Variants in FAM210A observed in about 807,000 individuals in gnomAD.
The protein encoded by FAM210A is mitochondrial inner membrane scaffold 1.
In FAM210A, 13 loss-of-function variants were observed where a neutral mutation model predicts 25.3. The ratio of observed to expected loss-of-function variants is 0.51; its 90% CI spans 0.33 to 0.82. FAM210A has a LOEUF of 0.82. FAM210A is among the 40% of genes least tolerant of loss of function. The pLI, the probability that FAM210A is intolerant of heterozygous loss-of-function variation, is 0.02. For synonymous variants in FAM210A, 125 were observed against 118.7 expected (o/e 1.05, Z -0.35); for missense variants, 319 against 323.2 (o/e 0.99, Z 0.10).
At chr18:13,711,763 G>T (rs990371030) in intron 1 of FAM210A, among the ~76,000 whole-genome samples, 12 of 152,082 alleles carry the variant, frequency 7.9e-5, no homozygotes, top group African/African-American at 2.4e-4. Context: ...TTCCTGTCCA[G>T]ATTTTTTTCT....
chr18:13,686,266 G>A (rs1000073485), intron 1 of FAM210A, among the ~76,000 whole-genome samples: 9 of 152,118 alleles, frequency 5.9e-5, no homozygotes, highest in African/African-American at 1.9e-4. Flanking sequence ...AAATGAGACC[G>A]AAATCACGCC....
At chr18:13,724,916 G>A (rs1005234904) in intron 1 of FAM210A, among the ~76,000 whole-genome samples, 29 of 152,104 alleles carry the variant, frequency 1.9e-4, no homozygotes, top group Non-Finnish European at 3.5e-4. Flanking sequence ...TGGGATTACA[G>A]GCACGCGCCA....
intron 1 of FAM210A, among the ~76,000 whole-genome samples, chr18:13,690,171 G>A (rs1166274566): frequency 6.6e-6 from 1 of 152,226 alleles, no homozygotes; most frequent in East Asian, 1.9e-4. Context: ...ACAGCAGTCT[G>A]AGATCAAACT....
At chr18:13,669,307 C>G (rs2043424379) in intron 3 of FAM210A, among the ~76,000 whole-genome samples, 1 of 152,144 alleles carries the variant, frequency 6.6e-6, no homozygotes. Flanking sequence ...TTAAAATTGT[C>G]CAGTGGCTTT....
At chr18:13,678,441 C>T (rs2043523138) in intron 2 of FAM210A, among the ~76,000 whole-genome samples, 1 of 151,858 alleles carries the variant, frequency 6.6e-6, no homozygotes. Flanking sequence ...TGTAATGCAC[C>T]ACCATGCCTG....
At chr18:13,703,658 C>G (rs952414950) in intron 1 of FAM210A, among the ~76,000 whole-genome samples, 2 of 152,136 alleles carry the variant, frequency 1.3e-5, no homozygotes, top group African/African-American at 2.4e-5. Context: ...AATCTTACAA[C>G]TACTTAATTT....
chr18:13,703,148 A>G (rs1456482621), intron 1 of FAM210A, among the ~76,000 whole-genome samples: 1 of 152,192 alleles, frequency 6.6e-6, no homozygotes, highest in Non-Finnish European at 1.5e-5. Flanking sequence ...ACTGTTTTGC[A>G]TTGCAATATC....
intron 1 of FAM210A, among the ~76,000 whole-genome samples, chr18:13,707,368 A>G (rs964054508): frequency 6.6e-6 from 1 of 152,184 alleles, no homozygotes; most frequent in African/African-American, 2.4e-5. Flanking sequence ...AATCAAACTA[A>G]AACTTTAAGG....
At chr18:13,714,835 C>T (rs144945415) in intron 1 of FAM210A, among the ~76,000 whole-genome samples, 87 of 152,228 alleles carry the variant, frequency 5.7e-4, no homozygotes, top group Admixed American at 1.6e-3. Flanking sequence ...GGGGATTTAA[C>T]ACCCCATAAT....
intron 1 of FAM210A, among the ~76,000 whole-genome samples, chr18:13,711,505 T>C (rs2043821356): frequency 6.6e-6 from 1 of 152,228 alleles, no homozygotes; most frequent in Admixed American, 6.5e-5. Flanking sequence ...GGAGCTTCTA[T>C]TGATACCTTT....
At chr18:13,711,554 C>T (rs141393328) in intron 1 of FAM210A, among the ~76,000 whole-genome samples, 2 of 152,298 alleles carry the variant, frequency 1.3e-5, no homozygotes, top group Admixed American at 6.5e-5. Context: ...ACCCTCACTA[C>T]TTGCATCCTA....
At chr18:13,717,978 G>A (rs1385821377) in intron 1 of FAM210A, among the ~76,000 whole-genome samples, 2 of 152,170 alleles carry the variant, frequency 1.3e-5, no homozygotes, top group Non-Finnish European at 2.9e-5. Context: ...TCAACAGGAA[G>A]AAGACAGCGC....
At chr18:13,699,743 G>A (rs189237533) in intron 1 of FAM210A, among the ~76,000 whole-genome samples, 45 of 152,092 alleles carry the variant, frequency 3.0e-4, no homozygotes, top group East Asian at 2.3e-3. Flanking sequence ...TCCTTTTATC[G>A]CGTGGTATTT....
At chr18:13,695,073 A>C (rs1428490134) in intron 1 of FAM210A, among the ~76,000 whole-genome samples, 3 of 152,314 alleles carry the variant, frequency 2.0e-5, no homozygotes, top group East Asian at 3.9e-4. Context: ...AGACACTTCT[A>C]AAAAGAAGAC....
chr18:13,723,820 CAAT>C (rs1263752312), intron 1 of FAM210A, among the ~76,000 whole-genome samples: 1 of 152,138 alleles, frequency 6.6e-6, no homozygotes, highest in Non-Finnish European at 1.5e-5. Context: ...ACCTTTTAAA[CAAT>C]AATATTTTAT....
At chr18:13,704,203 A>G (rs2043761227) in intron 1 of FAM210A, among the ~76,000 whole-genome samples, 1 of 152,226 alleles carries the variant, frequency 6.6e-6, no homozygotes. Flanking sequence ...TGTTTTTGAT[A>G]AAAGATTATA....
At chr18:13,672,944 G>C (rs2043455527) in intron 2 of FAM210A, among the ~76,000 whole-genome samples, 1 of 152,204 alleles carries the variant, frequency 6.6e-6, no homozygotes. Flanking sequence ...TCTCCAACTT[G>C]AGCCGCAACT....
At chr18:13,721,636 G>T (rs2043898257) in intron 1 of FAM210A, among the ~76,000 whole-genome samples, 1 of 152,114 alleles carries the variant, frequency 6.6e-6, no homozygotes, top group African/African-American at 2.4e-5. Context: ...CCAGTGTGGG[G>T]ATTCTGCCAG....
intron 1 of FAM210A, among the ~76,000 whole-genome samples, chr18:13,695,129 G>A (rs191171270): frequency 0.15 from 22,860 of 152,162 alleles, 1,824 homozygotes; most frequent in Non-Finnish European, 0.17. Flanking sequence ...ATCATCACTG[G>A]CCATCAGAGA....
Sources: gnomAD v4.1 joint callset for allele counts (sites outside exome capture counted in the v4.1 genomes callset) on GRCh38, gnomAD v4.1.1 for gene constraint, MANE v1.5 for transcripts, NCBI Gene and HGNC (gene_info 2026-07-23, HGNC 2026-07-21) for gene names.